Variants in RAD54L observed in about 807,000 individuals in gnomAD.
The protein encoded by RAD54L is RAD54 like.
In RAD54L, 74 loss-of-function variants were observed where a neutral mutation model predicts 91.6. The observed-to-expected ratio is 0.81, with a 90% CI of 0.67 to 0.98. The LOEUF (loss-of-function observed/expected upper bound fraction) is 0.98. Ranked by LOEUF, RAD54L falls within the 50% of genes least tolerant of loss-of-function variation. The probability of loss-of-function intolerance (pLI) is 0.00; values close to 1 mark genes in which losing one functional copy is unlikely to be tolerated. For missense variants in RAD54L, 887 were observed against 945.7 expected (o/e 0.94, Z 0.81); for synonymous variants, 304 against 349.7 (o/e 0.87, Z 1.46).
intron 8 of RAD54L, among the ~76,000 whole-genome samples, chr1:46,264,695 G>T (rs1660219791): frequency 6.6e-6 from 1 of 152,250 alleles, no homozygotes; most frequent in African/African-American, 2.4e-5. Flanking sequence ...ACTCAGGGAA[G>T]TGCGTAGTGA....
chr1:46,266,548 G>A (rs1248948959), intron 8 of RAD54L, among the ~76,000 whole-genome samples: 3 of 152,248 alleles, frequency 2.0e-5, no homozygotes, highest in East Asian at 1.9e-4. Context: ...TAGTAGAGGT[G>A]TGGAGAGAAT....
chr1:46,255,427 C>CT (rs1320687204), intron 3 of RAD54L, among the ~76,000 whole-genome samples: 4 of 151,678 alleles, frequency 2.6e-5, no homozygotes, highest in Non-Finnish European at 5.9e-5. Flanking sequence ...AGCATGCTCC[C>CT]TCCCCTGCCC....
chr1:46,250,903 C>T (rs1429896949), intron 3 of RAD54L, among the ~76,000 whole-genome samples: 8 of 145,154 alleles, frequency 5.5e-5, no homozygotes, highest in East Asian at 2.1e-4. Context: ...CCCGGGAGGC[C>T]GAGGTTGCAG....
chr1:46,276,949 A>G (rs1423268694), intron 16 of RAD54L, among the ~76,000 whole-genome samples: 1 of 152,116 alleles, frequency 6.6e-6, no homozygotes, highest in African/African-American at 2.4e-5. Flanking sequence ...GGTGCCCACC[A>G]CTACCCCTGG....
At chr1:46,248,917 C>G (rs757004337) in intron 2 of RAD54L, among the ~76,000 whole-genome samples, 5 of 152,158 alleles carry the variant, frequency 3.3e-5, no homozygotes, top group African/African-American at 7.2e-5. Context: ...CTCTTTTGCT[C>G]TTTGTCCCCT....
At chr1:46,272,351 G>A (rs1660456200) in intron 10 of RAD54L, 115 bp from the exon 11 acceptor site, 2 of 992,748 alleles carry the variant, frequency 2.0e-6, no homozygotes, top group Admixed American at 1.9e-5. Flanking sequence ...CCGAGTCTCT[G>A]ACATTTAATA....
At chr1:46,269,752 G>T (rs745576201) in intron 9 of RAD54L, among the ~76,000 whole-genome samples, 12 of 152,078 alleles carry the variant, frequency 7.9e-5, no homozygotes, top group African/African-American at 2.9e-4. Context: ...TTATAATACG[G>T]AACCTTCCAA....
intron 16 of RAD54L, 31 bp from the exon 17 acceptor site, chr1:46,277,786 C>G (rs778625922): frequency 6.3e-7 from 1 of 1,577,666 alleles, no homozygotes; most frequent in Non-Finnish European, 8.7e-7. Flanking sequence ...AGCGCTGTAT[C>G]TTTTGACATT....
At chr1:46,248,992 TA>T (rs1259338636) in intron 2 of RAD54L, among the ~76,000 whole-genome samples, 1 of 152,184 alleles carries the variant, frequency 6.6e-6, no homozygotes, top group African/African-American at 2.4e-5. Flanking sequence ...CACTTGGGCC[TA>T]GATCTGACAG....
In RAD54L at chr1:46,278,438, T is replaced by TTTGG. The variant is rs1660690437; in HGVS notation, c.*159_*162dup. 1 of 929,460 alleles carries TTTGG rather than the reference T, an allele frequency of 1.1e-6. No individual in the cohort carries two copies. The highest frequency in any genetic ancestry group is 1.7e-5 in the African/African-American group (1 of 59,720). 57.6% of individuals were successfully genotyped at this position (929,460 alleles called of 1,614,324 possible). ...AAATTTATTTTATAAGAAAAACTTT[T>TTTGG]TTGGTTAAAAAAAAGAATAAAGGTA... is the stretch of plus-strand genomic sequence containing the variant. On this transcript the variant is annotated 3_prime_UTR_variant, in exon 18 of 18. Coordinates refer to ENST00000371975, the MANE Select transcript of RAD54L (RefSeq NM_003579.4).
chr1:46,272,564 T>C (rs1241857411), intron 11 of RAD54L, 24 bp downstream of exon 11: 2 of 1,608,942 alleles, frequency 1.2e-6, no homozygotes, highest in Non-Finnish European at 8.5e-7. Flanking sequence ...CTGAAAGATG[T>C]GGAGTGGGTC....
Position 46,248,112 on chromosome 1 carries a change from T to G in RAD54L, c.-294T>G. The stretch of plus-strand genomic sequence containing the variant: ...ATCATCCCCACTCCACTCCGCCCAG[T>G]CTGGGACTCCACCTGCCTCCTCCCC... On this transcript the variant is annotated 5_prime_UTR_variant, in exon 1 of 18. Coordinates refer to ENST00000371975, the MANE Select transcript of RAD54L (RefSeq NM_003579.4). The G allele has an allele frequency of 4.8e-6, 2 of 414,356 alleles. No individual in the cohort carries two copies. The highest frequency in any genetic ancestry group is 9.1e-6 in the Non-Finnish European group (2 of 219,138). 25.7% of individuals were successfully genotyped at this position (414,356 alleles called of 1,614,324 possible).
intron 3 of RAD54L, among the ~76,000 whole-genome samples, chr1:46,251,451 T>A (rs1659796594): frequency 6.6e-6 from 1 of 152,204 alleles, no homozygotes; most frequent in Non-Finnish European, 1.5e-5. Context: ...CCTTTTCCCA[T>A]CCCCAGAGGT....
chr1:46,264,177 G>T (rs1007977649), intron 8 of RAD54L, among the ~76,000 whole-genome samples: 1 of 152,204 alleles, frequency 6.6e-6, no homozygotes, highest in Non-Finnish European at 1.5e-5. Context: ...AAGGGATGAG[G>T]CTGCCTCTTA....
At chr1:46,272,053 T>TTTTTTTG in intron 10 of RAD54L, among the ~76,000 whole-genome samples, 1 of 107,440 alleles carries the variant, frequency 9.3e-6, no homozygotes, top group Non-Finnish European at 2.1e-5. Context: ...TTTTTTTTTT[T>TTTTTTTG]TTTTTTGAGA....
At position 46,268,669 on chromosome 1, in the gene RAD54L, C is replaced by CATT. The variant is rs151104814; in HGVS notation, c.1042+1062_1042+1063insTAT. Among the ~76,000 whole-genome samples the CATT allele has an allele frequency of 8.2e-3, 1,245 of 152,316 alleles. 17 individuals carry two copies. The highest frequency in any genetic ancestry group is 0.037 in the Middle Eastern group (11 of 294). On this transcript the variant is annotated intron_variant, in intron 9 of 17. Transcript: ENST00000371975. ...TTTACATCTGGTTTCTTTTGTTCAA[C>CATT]ATGTTTATAAAGTTTATCCACATTA... is the stretch of plus-strand genomic sequence containing the variant.
chr1:46,262,414 CAAAAT>C (rs765713007), intron 8 of RAD54L, among the ~76,000 whole-genome samples: 2 of 151,800 alleles, frequency 1.3e-5, no homozygotes, highest in Non-Finnish European at 2.9e-5. Context: ...CTCAAAAAAA[CAAAAT>C]AAAAACCAAA....
Position 46,248,603 on chromosome 1 carries a change from G to A in RAD54L, c.90+5G>A, listed in dbSNP as rs2148274526. On this transcript the variant is annotated splice_donor_5th_base_variant and intron_variant, in intron 2 of 17. Coordinates refer to ENST00000371975, the MANE Select transcript of RAD54L (RefSeq NM_003579.4). ...GACTGGCAACCTGGCCTAGTGGTGA[G>A]CACTCAAGGGGACAGGGAAGGTGGG... 1.2e-6 allele frequency: 2 copies of A among 1,613,732 alleles called. No individual in the cohort carries two copies. The highest frequency in any genetic ancestry group is 1.7e-6 in the Non-Finnish European group (2 of 1,179,684).
intron 2 of RAD54L, 98 bp downstream of exon 2, chr1:46,248,696 C>G (rs1303071364): frequency 2.9e-6 from 3 of 1,037,022 alleles, no homozygotes; most frequent in Non-Finnish European, 4.4e-6. Flanking sequence ...TTCCAGATGC[C>G]TCTTTTGTAT....
Sources: gnomAD v4.1 joint callset for allele counts (sites outside exome capture counted in the v4.1 genomes callset) on GRCh38, gnomAD v4.1.1 for gene constraint, MANE v1.5 for transcripts, NCBI Gene and HGNC (gene_info 2026-07-23, HGNC 2026-07-21) for gene names.